Variants in PLPPR1 observed in about 807,000 individuals in gnomAD.
The protein encoded by PLPPR1 is phospholipid phosphatase-related protein type 1.
PLPPR1 carries 10 observed loss-of-function variants against 33.1 expected under a neutral mutation model. That is an observed-to-expected ratio of 0.30 (90% CI 0.19 to 0.51). The LOEUF (loss-of-function observed/expected upper bound fraction) is 0.51. Among genes scored for constraint, PLPPR1 ranks in the 20% least tolerant of loss-of-function variants. The probability of loss-of-function intolerance (pLI) is 0.97; values close to 1 mark genes in which losing one functional copy is unlikely to be tolerated. For missense variants in PLPPR1, 304 were observed against 408.1 expected, an observed-to-expected ratio of 0.74 and a Z score of 2.20; for synonymous variants, 151 against 151.0, an observed-to-expected ratio of 1.00 and a Z score of 0.00.
At chr9:101,191,031 C>T (rs1479798824) in intron 2 of PLPPR1, among the ~76,000 whole-genome samples, 1 of 152,128 alleles carries the variant, frequency 6.6e-6, no homozygotes, top group Non-Finnish European at 1.5e-5. Context: ...TAGTCCTGGC[C>T]AGATCCCTTA....
intron 3 of PLPPR1, among the ~76,000 whole-genome samples, chr9:101,285,206 C>T (rs777410471): frequency 2.6e-5 from 4 of 152,070 alleles, no homozygotes; most frequent in Non-Finnish European, 5.9e-5. Flanking sequence ...TGTCATTGTT[C>T]ATGAAAACTT....
intron 1 of PLPPR1, among the ~76,000 whole-genome samples, chr9:101,161,744 C>G (rs1249221975): frequency 6.6e-6 from 1 of 151,856 alleles, no homozygotes; most frequent in Non-Finnish European, 1.5e-5. Flanking sequence ...ATTTGTCTCT[C>G]AAAAAAAGTA....
chr9:101,157,723 CG>C (rs1831714693), intron 1 of PLPPR1, among the ~76,000 whole-genome samples: 1 of 152,020 alleles, frequency 6.6e-6, no homozygotes, highest in Non-Finnish European at 1.5e-5. Context: ...TTATAGGGGC[CG>C]GGCATGGTGA....
chr9:101,075,495 C>T (rs979461846), intron 1 of PLPPR1, among the ~76,000 whole-genome samples: 20 of 152,150 alleles, frequency 1.3e-4, no homozygotes, highest in African/African-American at 4.3e-4. Flanking sequence ...TTACAGATGA[C>T]GTAGGTCACA....
intron 1 of PLPPR1, among the ~76,000 whole-genome samples, chr9:101,046,515 C>T (rs1320233094): frequency 6.8e-6 from 1 of 147,994 alleles, no homozygotes; most frequent in East Asian, 2.1e-4. Context: ...TCTCAGCTCA[C>T]TGCAAGCTCT....
chr9:101,252,053 A>T (rs1386617360), intron 2 of PLPPR1, among the ~76,000 whole-genome samples: 3 of 152,132 alleles, frequency 2.0e-5, no homozygotes, highest in African/African-American at 7.2e-5. Flanking sequence ...TCTATAGAAA[A>T]GGTTTAAACT....
intron 1 of PLPPR1, among the ~76,000 whole-genome samples, chr9:101,043,260 A>G (rs535002401): frequency 6.6e-6 from 1 of 151,680 alleles, no homozygotes; most frequent in Non-Finnish European, 1.5e-5. Flanking sequence ...ATGGCTGAGT[A>G]GTATTCCATC....
intron 2 of PLPPR1, 21 bp from the exon 3 acceptor site, chr9:101,269,859 G>A: frequency 6.2e-7 from 1 of 1,613,152 alleles, no homozygotes; most frequent in Non-Finnish European, 8.5e-7. Context: ...ATGTCTCTGT[G>A]TGGCCATGCT....
intron 2 of PLPPR1, among the ~76,000 whole-genome samples, chr9:101,211,181 A>G (rs1826683815): frequency 6.6e-6 from 1 of 152,182 alleles, no homozygotes; most frequent in Non-Finnish European, 1.5e-5. Context: ...AGTCAGAAAT[A>G]AGATTCATTA....
intron 2 of PLPPR1, among the ~76,000 whole-genome samples, chr9:101,197,582 G>T (rs1826420784): frequency 6.6e-6 from 1 of 152,190 alleles, no homozygotes. Flanking sequence ...AACCGGGCAA[G>T]ACAGATGTAA....
chr9:101,290,442 T>C (rs1828474405), intron 4 of PLPPR1, among the ~76,000 whole-genome samples: 1 of 152,136 alleles, frequency 6.6e-6, no homozygotes. Flanking sequence ...TTTAAGAAAA[T>C]AAGGCTTTAT....
intron 4 of PLPPR1, among the ~76,000 whole-genome samples, chr9:101,300,446 T>C (rs1828732123): frequency 6.6e-6 from 1 of 152,112 alleles, no homozygotes. Context: ...GTTGATATTA[T>C]AGGTGTGAGC....
intron 2 of PLPPR1, among the ~76,000 whole-genome samples, chr9:101,243,277 A>G (rs1220012326): frequency 1.3e-5 from 2 of 152,024 alleles, no homozygotes; most frequent in Non-Finnish European, 2.9e-5. Context: ...AAGGACATCA[A>G]TTAACTTTTT....
intron 1 of PLPPR1, among the ~76,000 whole-genome samples, chr9:101,159,670 G>A: frequency 6.6e-6 from 1 of 152,190 alleles, no homozygotes. Context: ...TTAGAAAGAG[G>A]TGGAGAGTCA....
rs66895172 is a variant in PLPPR1 at position 101,183,691 on chromosome 9, TTGTGTG to T, written c.-45-1729_-45-1724del. Among the ~76,000 whole-genome samples the T allele has an allele frequency of 1.4e-3, 208 of 150,252 alleles. 1 individual carries two copies. Among genetic ancestry groups the T allele is most frequent in the Middle Eastern group, 3.4e-3 (1 of 292 alleles). ...CCTCACTGTAGTTACTCCCGTCTCT[TTGTGTG>T]TGTGTGTGTGTGTGTGTGTGTGTGT... On this transcript the variant is annotated intron_variant, in intron 1 of 7. Transcript: ENST00000374874.
chr9:101,266,539 T>C (rs1412639566), intron 2 of PLPPR1, among the ~76,000 whole-genome samples: 1 of 152,180 alleles, frequency 6.6e-6, no homozygotes, highest in Non-Finnish European at 1.5e-5. Context: ...TCACATAAGC[T>C]GCTGAAGCTC....
chr9:101,169,617 A>T (rs541957924), intron 1 of PLPPR1, among the ~76,000 whole-genome samples: 1 of 152,276 alleles, frequency 6.6e-6, no homozygotes, highest in South Asian at 2.1e-4. Context: ...TAAAAAGACT[A>T]GTCTCTAACA....
chr9:101,054,759 T>A (rs1830262211), intron 1 of PLPPR1, among the ~76,000 whole-genome samples: 1 of 152,220 alleles, frequency 6.6e-6, no homozygotes, highest in East Asian at 1.9e-4. Context: ...ACGAGCCTTC[T>A]TTGTTTCAAG....
intron 1 of PLPPR1, among the ~76,000 whole-genome samples, chr9:101,141,296 T>C (rs1316944813): frequency 6.6e-6 from 1 of 152,178 alleles, no homozygotes; most frequent in Non-Finnish European, 1.5e-5. Flanking sequence ...TCTTAATGAC[T>C]AGGAGGGTTG....
Sources: gnomAD v4.1 joint callset for allele counts (sites outside exome capture counted in the v4.1 genomes callset) on GRCh38, gnomAD v4.1.1 for gene constraint, MANE v1.5 for transcripts, NCBI Gene and HGNC (gene_info 2026-07-23, HGNC 2026-07-21) for gene names.